ADCY8: variants seen among roughly 807,000 people sequenced by gnomAD.
ADCY8 encodes the protein adenylate cyclase 8.
ADCY8 carries 51 observed loss-of-function variants against 119.7 expected under a neutral mutation model. The ratio of observed to expected loss-of-function variants is 0.43; its 90% CI spans 0.34 to 0.54. ADCY8 has a LOEUF of 0.54. Ranked by LOEUF, ADCY8 falls within the 20% of genes least tolerant of loss-of-function variation. ADCY8 has a pLI of 0.03. For synonymous variants in ADCY8, 665 were observed against 651.0 expected, an observed-to-expected ratio of 1.02 and a Z score of -0.33; for missense variants, 1,383 against 1,598.8, an observed-to-expected ratio of 0.87 and a Z score of 2.30.
chr8:130,931,769 C>T (rs1225924730), intron 5 of ADCY8, among the ~76,000 whole-genome samples: 2 of 152,016 alleles, frequency 1.3e-5, no homozygotes, highest in Non-Finnish European at 2.9e-5. Flanking sequence ...TATTTTTTGG[C>T]TCCAGATTTC....
chr8:130,871,996 A>T (rs1004682668), intron 8 of ADCY8, among the ~76,000 whole-genome samples: 1 of 152,058 alleles, frequency 6.6e-6, no homozygotes, highest in African/African-American at 2.4e-5. Context: ...ATAGATATAT[A>T]TTTTTTTCAG....
intron 7 of ADCY8, 139 bp downstream of exon 7, chr8:130,903,633 A>G: frequency 1.0e-6 from 1 of 979,744 alleles, no homozygotes; most frequent in Non-Finnish European, 1.5e-6. Flanking sequence ...GGAGACAGAG[A>G]GATAGTTTGA....
intron 5 of ADCY8, among the ~76,000 whole-genome samples, chr8:130,927,860 T>G (rs1820518581): frequency 6.6e-6 from 1 of 152,164 alleles, no homozygotes; most frequent in South Asian, 2.1e-4. Flanking sequence ...GTGGCAAGAG[T>G]GGACATCCCT....
At position 130,814,323 on chromosome 8, in the gene ADCY8, A is replaced by G. The variant is rs190917333; in HGVS notation, c.2755-96T>C. ...TGGGAGGCAGGAAAGGCTTCTCTGG[A>G]ACTCTTCACAAATGAAACAGAGCCT... On this transcript the variant is annotated intron_variant, in intron 13 of 17. Transcript: ENST00000286355. 8.0e-5 allele frequency: 104 copies of G among 1,305,106 alleles called. 1 individual carries two copies. The African/African-American group carries it at 1.4e-3, about 17-fold the overall frequency. The allele number at this position is 1,305,106 out of a possible 1,614,324, so 80.8% of individuals were successfully genotyped here. A position where few individuals can be genotyped will look rare whatever the true frequency, so the allele number is the denominator to read the frequency against.
At chr8:130,867,217 G>A (rs1818158933) in intron 9 of ADCY8, among the ~76,000 whole-genome samples, 1 of 152,142 alleles carries the variant, frequency 6.6e-6, no homozygotes, top group Non-Finnish European at 1.5e-5. Context: ...TGGACAATAT[G>A]TGTTTAATAG....
At chr8:130,848,040 A>G (rs1563690503) in intron 10 of ADCY8, among the ~76,000 whole-genome samples, 2 of 152,336 alleles carry the variant, frequency 1.3e-5, no homozygotes, top group South Asian at 2.1e-4. Flanking sequence ...CCTCTGTGCC[A>G]GACACTTTGT....
At chr8:131,036,870 A>C (rs182817257) in intron 1 of ADCY8, among the ~76,000 whole-genome samples, 50 of 152,318 alleles carry the variant, frequency 3.3e-4, no homozygotes, top group African/African-American at 1.2e-3. Flanking sequence ...TGGAGAGAGA[A>C]GAAGCAACTA....
chr8:130,835,951 T>C (rs1410316910), intron 12 of ADCY8, among the ~76,000 whole-genome samples: 1 of 152,208 alleles, frequency 6.6e-6, no homozygotes, highest in African/African-American at 2.4e-5. Flanking sequence ...CTATTATTAA[T>C]ATTGCTACAG....
chr8:131,029,812 G>A (rs1421153111), intron 1 of ADCY8, among the ~76,000 whole-genome samples: 1 of 134,776 alleles, frequency 7.4e-6, no homozygotes, highest in African/African-American at 2.8e-5. Context: ...TCTCTTGCCA[G>A]TTTTTCATTC....
At chr8:130,789,321 G>A (rs557395832) in intron 15 of ADCY8, among the ~76,000 whole-genome samples, 1 of 152,116 alleles carries the variant, frequency 6.6e-6, no homozygotes, top group Non-Finnish European at 1.5e-5. Flanking sequence ...GTATCCCTGT[G>A]CCTGGCCTCT....
intron 1 of ADCY8, among the ~76,000 whole-genome samples, chr8:131,002,073 T>C (rs748641198): frequency 1.2e-4 from 19 of 152,242 alleles, no homozygotes; most frequent in Non-Finnish European, 2.4e-4. Flanking sequence ...GCTAAGAATT[T>C]GGGCTTCTAA....
chr8:130,857,079 G>T (rs772479109), intron 9 of ADCY8, among the ~76,000 whole-genome samples: 19 of 141,706 alleles, frequency 1.3e-4, no homozygotes, highest in Non-Finnish European at 2.3e-4. Context: ...CACACCAAAA[G>T]CCCATCCATT....
At chr8:130,913,859 C>T (rs1274473557) in intron 5 of ADCY8, among the ~76,000 whole-genome samples, 1 of 152,170 alleles carries the variant, frequency 6.6e-6, no homozygotes, top group Non-Finnish European at 1.5e-5. Context: ...TAGTGCTAGA[C>T]AGCCAAGTTC....
chr8:130,893,578 C>T (rs1217100656), intron 7 of ADCY8, among the ~76,000 whole-genome samples: 1 of 152,064 alleles, frequency 6.6e-6, no homozygotes, highest in East Asian at 1.9e-4. Context: ...AACATATATC[C>T]AGACCTAAGT....
chr8:130,914,931 T>G (rs768832980), intron 5 of ADCY8, among the ~76,000 whole-genome samples: 4 of 152,182 alleles, frequency 2.6e-5, no homozygotes, highest in Non-Finnish European at 5.9e-5. Flanking sequence ...TGGAGAAAGC[T>G]CAATGGCTTT....
At chr8:130,793,610 T>C (rs1815490842) in intron 15 of ADCY8, among the ~76,000 whole-genome samples, 1 of 152,238 alleles carries the variant, frequency 6.6e-6, no homozygotes, top group Admixed American at 6.5e-5. Context: ...ACTGGTTCAA[T>C]AAGCCCATAA....
intron 1 of ADCY8, among the ~76,000 whole-genome samples, chr8:131,001,979 G>A (rs1367932440): frequency 6.6e-6 from 1 of 152,200 alleles, no homozygotes; most frequent in Non-Finnish European, 1.5e-5. Context: ...GGGACTGTAG[G>A]AAGTCCTTAT....
intron 8 of ADCY8, among the ~76,000 whole-genome samples, chr8:130,877,107 G>T (rs1014498946): frequency 6.6e-6 from 1 of 152,216 alleles, no homozygotes; most frequent in Non-Finnish European, 1.5e-5. Context: ...AAATAGTCAT[G>T]ATAGGGCCTG....
chr8:130,854,839 C>T (rs1267474792), intron 9 of ADCY8, among the ~76,000 whole-genome samples: 1 of 125,110 alleles, frequency 8.0e-6, no homozygotes, highest in Non-Finnish European at 1.7e-5. Context: ...CCCTCCCTCC[C>T]TTCCTTCCCT....
Sources: allele counts gnomAD v4.1 joint callset (sites outside exome capture counted in the v4.1 genomes callset), GRCh38; gene constraint gnomAD v4.1.1; transcripts MANE v1.5; gene names NCBI Gene and HGNC (gene_info 2026-07-23, HGNC 2026-07-21).